The following ANKRD33B variants were observed in gnomAD, a reference collection of about 807,000 sequenced individuals.
The protein encoded by ANKRD33B is ankyrin repeat domain-containing protein 33B.
Under a neutral mutation model 21.5 loss-of-function variants are expected in ANKRD33B, and 6 were observed. The ratio of observed to expected loss-of-function variants is 0.28; its 90% CI spans 0.15 to 0.55. The LOEUF is 0.55. Among genes scored for constraint, ANKRD33B ranks in the 20% least tolerant of loss-of-function variants. ANKRD33B has a pLI of 0.94. For missense variants in ANKRD33B, 698 were observed against 747.2 expected, an observed-to-expected ratio of 0.93 and a Z score of 0.77; for synonymous variants, 347 against 342.4, an observed-to-expected ratio of 1.01 and a Z score of -0.15.
intron 1 of ANKRD33B, among the ~76,000 whole-genome samples, chr5:10,572,553 G>A (rs1026066880): frequency 3.3e-5 from 5 of 152,198 alleles, no homozygotes; most frequent in African/African-American, 9.7e-5. Context: ...GGAGCCAGGA[G>A]GCAGTTCCGG....
chr5:10,613,990 C>CGTGTGTGTGT (rs59864065), intron 1 of ANKRD33B, among the ~76,000 whole-genome samples: 11,275 of 141,218 alleles, frequency 0.08, 532 homozygotes, highest in East Asian at 0.14. Context: ...CCAGAGAAAT[C>CGTGTGTGTGT]GTGTGTGTGT....
chr5:10,564,702 G>C lies in ANKRD33B; in HGVS notation c.235G>C (p.Val79Leu), dbSNP rs1162804809. Residue 79 changes from valine (V) to leucine (L), a missense_variant, in exon 1 of 4, where the codon GTC becomes CTC. By Grantham distance (32) the Val-to-Leu change is conservative. Around this residue, in one of 3 missense-constraint regions of ANKRD33B, gnomAD observed 148 missense variants for 154.9 expected, o/e 0.96. Transcript: ENST00000296657. ...VESAESVPEG[V>L]PESVPETATL... ...GAGCGCGGAGAGCGTCCCGGAGGGC[G>C]TCCCGGAAAGCGTCCCGGAGACGGC... 1 of 1,533,700 alleles carries C rather than the reference G, an allele frequency of 6.5e-7. No homozygotes were observed. Among genetic ancestry groups the C allele is most frequent in the East Asian group, 2.4e-5 (1 of 40,856 alleles).
At position 10,613,712 on chromosome 5, in the gene ANKRD33B, A is replaced by C. The variant is rs1055859237; in HGVS notation, c.367-4621A>C. Among the ~76,000 whole-genome samples the C allele has an allele frequency of 5.0e-4, 76 of 152,098 alleles. 1 individual carries two copies. Among genetic ancestry groups the C allele is most frequent in the African/African-American group, 1.8e-3 (73 of 41,488 alleles). On this transcript the variant is annotated intron_variant, in intron 1 of 3. Coordinates refer to ENST00000296657, the MANE Select transcript of ANKRD33B (RefSeq NM_001164440.2). ...TCACGAGATTGAAAACATCCTGGCC[A>C]ATATGGTGAAACCTCCATCTCTACT...
At chr5:10,635,097 T>C (rs748503882) in intron 2 of ANKRD33B, among the ~76,000 whole-genome samples, 1 of 152,040 alleles carries the variant, frequency 6.6e-6, no homozygotes, top group Non-Finnish European at 1.5e-5. Flanking sequence ...AACAGATCTA[T>C]ATAATGGGTG....
At chr5:10,626,630 C>T (rs1736553663) in intron 2 of ANKRD33B, among the ~76,000 whole-genome samples, 1 of 152,192 alleles carries the variant, frequency 6.6e-6, no homozygotes, top group South Asian at 2.1e-4. Flanking sequence ...AGCCACTTCT[C>T]AGAAATACAT....
chr5:10,564,260 GGTCCCGCC>G lies in ANKRD33B; in HGVS notation c.-207_-200del. ...CCGCCCCGCCTCGGAAAGCCCCCGC[GGTCCCGCC>G]CACCCCAGGGGCTCGCTCAGCCTCC... is the stretch of plus-strand genomic sequence containing the variant. On this transcript the variant is annotated 5_prime_UTR_variant, in exon 1 of 4. Transcript: ENST00000296657. 1 of 174,206 alleles carries G rather than the reference GGTCCCGCC, an allele frequency of 5.7e-6. No homozygotes were observed. Among genetic ancestry groups the G allele is most frequent in the Non-Finnish European group, 1.1e-5 (1 of 87,500 alleles). The allele number at this position is 174,206 out of a possible 1,614,324, so 10.8% of individuals were successfully genotyped here.
chr5:10,583,778 T>A (rs993604880), intron 1 of ANKRD33B, among the ~76,000 whole-genome samples: 6 of 152,210 alleles, frequency 3.9e-5, no homozygotes, highest in Non-Finnish European at 8.8e-5. Context: ...GGCGGTCCTA[T>A]TCTGTAAGAT....
chr5:10,588,261 T>C (rs991006098), intron 1 of ANKRD33B, among the ~76,000 whole-genome samples: 1 of 152,376 alleles, frequency 6.6e-6, no homozygotes, highest in African/African-American at 2.4e-5. Flanking sequence ...ACGGTACTTA[T>C]AATCTTTTTT....
chr5:10,638,150 C>A lies in ANKRD33B; in HGVS notation c.619C>A (p.Arg207=). ...AAMQGRTDCI[R]ALMLAGADVH... is the part of the protein sequence containing the mutation. ...CATGCAGGGTCGAACGGACTGCATC[C>A]GAGCCCTGATGCTAGCAGGTATGTC... The change falls in exon 3 of 4, where the codon CGA becomes AGA. Residue 207 remains arginine (R), a synonymous_variant. Transcript: ENST00000296657. 1 of 1,537,416 alleles carries A rather than the reference C, an allele frequency of 6.5e-7. No individual in the cohort carries two copies.
chr5:10,638,171 A>G lies in ANKRD33B; in HGVS notation c.637+3A>G. The G allele has an allele frequency of 2.0e-6, 3 of 1,537,338 alleles. No individual in the cohort carries two copies. The highest frequency in any genetic ancestry group is 2.6e-6 in the Non-Finnish European group (3 of 1,146,884). Reference sequence around the variant, plus strand: ...CATCCGAGCCCTGATGCTAGCAGGTATGTCCACCTGTCCTGTGCAGCTTCC... The same window carrying G: ...CATCCGAGCCCTGATGCTAGCAGGTGTGTCCACCTGTCCTGTGCAGCTTCC... On this transcript the variant is annotated splice_donor_region_variant and intron_variant, in intron 3 of 3. Transcript: ENST00000296657.
chr5:10,635,079 A>G lies in ANKRD33B; in HGVS notation c.497-2949A>G, dbSNP rs543995545. Among the ~76,000 whole-genome samples the G allele has an allele frequency of 2.6e-5, 4 of 152,090 alleles. No homozygotes were observed. In the South Asian group the frequency reaches 8.3e-4, roughly 32 times the overall value. On this transcript the variant is annotated intron_variant, in intron 2 of 3. Transcript: ENST00000296657. ...TGTTGGTTTTTCTGGACTCAACATAATACGCAGAACAGATCTATATAATGG... is the reference window on the plus strand; with the variant it reads ...TGTTGGTTTTTCTGGACTCAACATAGTACGCAGAACAGATCTATATAATGG...
rs1303763221 is a variant in ANKRD33B, at chr5:10,650,087, A to C, written c.1459A>C (p.Thr487Pro). Residue 487 changes from threonine (T) to proline (P), a missense_variant, in exon 4 of 4, where the codon ACT becomes CCT. Coordinates refer to ENST00000296657, the MANE Select transcript of ANKRD33B (RefSeq NM_001164440.2). ...RQAEAQKERR[T>P]APWKKRT is the part of the protein sequence containing the mutation. ...GGCCGAGGCGCAGAAGGAGAGGCGC[A>C]CTGCGCCCTGGAAGAAGAGGACGTG... The C allele has an allele frequency of 5.9e-6, 9 of 1,527,496 alleles. No individual in the cohort carries two copies. Among genetic ancestry groups the C allele is most frequent in the South Asian group, 3.6e-5 (3 of 83,488 alleles). The allele number at this position is 1,527,496 out of a possible 1,614,324, so 94.6% of individuals were successfully genotyped here.
chr5:10,636,050 C>T (rs1021231540), intron 2 of ANKRD33B, among the ~76,000 whole-genome samples: 2 of 152,216 alleles, frequency 1.3e-5, no homozygotes, highest in African/African-American at 4.8e-5. Flanking sequence ...ATGTCCTTGC[C>T]ACCTCTCTCC....
chr5:10,648,193 C>A (rs1737234390), intron 3 of ANKRD33B, among the ~76,000 whole-genome samples: 1 of 152,174 alleles, frequency 6.6e-6, no homozygotes, highest in Admixed American at 6.5e-5. Flanking sequence ...ATTTTTCTAT[C>A]CTGGAAAAGC....
chr5:10,609,483 C>T (rs920003871), intron 1 of ANKRD33B, among the ~76,000 whole-genome samples: 2 of 152,090 alleles, frequency 1.3e-5, no homozygotes, highest in East Asian at 1.9e-4. Flanking sequence ...GCCTGGGAGG[C>T]GAAGGCTGCA....
Position 10,652,790 on chromosome 5 carries a change from CTG to C in ANKRD33B, c.*2678_*2679del, listed in dbSNP as rs529689384. 7.1e-5 allele frequency: 20 copies of C among 282,914 alleles called. No homozygotes were observed. Among genetic ancestry groups the C allele is most frequent in the Admixed American group, 5.4e-4 (15 of 27,708 alleles). The allele number at this position is 282,914 out of a possible 1,614,324, so 17.5% of individuals were successfully genotyped here. A position where few individuals can be genotyped will look rare whatever the true frequency, so the allele number is the denominator to read the frequency against. ...GCCTCATCCAGGTGCACAGGATACT[CTG>C]GGGCCAGCACAGGGATTGTCCAGTG... On this transcript the variant is annotated 3_prime_UTR_variant, in exon 4 of 4. Transcript: ENST00000296657. The surrounding 1 kb of genome is among the most constrained non-coding windows in gnomAD (Gnocchi z 4.1).
In ANKRD33B at chr5:10,652,174, C is replaced by G. The variant is rs62339299; in HGVS notation, c.*2061C>G. The stretch of plus-strand genomic sequence containing the variant: ...AAGTCACCACGAGCCCCACCCTCAC[C>G]TCTGTCAACCGAGGACCCAGCCAGG... On this transcript the variant is annotated 3_prime_UTR_variant, in exon 4 of 4. Coordinates refer to ENST00000296657, the MANE Select transcript of ANKRD33B (RefSeq NM_001164440.2). The surrounding 1 kb of genome is among the most constrained non-coding windows in gnomAD (Gnocchi z 4.1). The G allele has an allele frequency of 0.035, 5,312 of 152,608 alleles. 137 individuals are homozygous for G. Among genetic ancestry groups the G allele is most frequent in the Admixed American group, 0.074 (1,127 of 15,298 alleles). The allele number at this position is 152,608 out of a possible 1,614,324, so 9.5% of individuals were successfully genotyped here.
intron 1 of ANKRD33B, among the ~76,000 whole-genome samples, chr5:10,570,817 C>T (rs931425799): frequency 2.0e-5 from 3 of 152,124 alleles, no homozygotes; most frequent in Non-Finnish European, 2.9e-5. Flanking sequence ...CCTCAGCCTC[C>T]CAAGGTGCTG....
At chr5:10,580,288 G>T (rs1292437602) in intron 1 of ANKRD33B, among the ~76,000 whole-genome samples, 2 of 152,204 alleles carry the variant, frequency 1.3e-5, no homozygotes, top group Non-Finnish European at 2.9e-5. Flanking sequence ...TGTGTTGAGC[G>T]TTGGGCCACA....
Sources: allele counts gnomAD v4.1 joint callset (sites outside exome capture counted in the v4.1 genomes callset), GRCh38; gene constraint gnomAD v4.1.1; regional missense constraint gnomAD v4.1.1; non-coding constraint Gnocchi (gnomAD v3.1); transcripts MANE v1.5; gene names NCBI Gene and HGNC (gene_info 2026-07-23, HGNC 2026-07-21).